RREB1: variants seen among roughly 807,000 people sequenced by gnomAD.
RREB1 encodes the protein ras-responsive element-binding protein 1.
RREB1 carries 27 observed loss-of-function variants against 117.8 expected under a neutral mutation model. That is an observed-to-expected ratio of 0.23 (90% confidence interval 0.17 to 0.32). The LOEUF is 0.32. RREB1 is among the 10% of genes least tolerant of loss of function. The pLI is 1.00. For missense variants in RREB1, 2,577 were observed against 2,378.2 expected, an observed-to-expected ratio of 1.08 and a Z score of -1.74; for synonymous variants, 1,298 against 1,026.7, an observed-to-expected ratio of 1.26 and a Z score of -5.05.
Position 7,249,324 on chromosome 6 carries a change from T to G in RREB1, c.*356T>G, listed in dbSNP as rs1411828785. On this transcript the variant is annotated 3_prime_UTR_variant, in exon 13 of 13. Transcript: ENST00000379938. ...TTTGAGCATTAGCGTTATTTTGTATTGGTGTGTGTGAGCTTGTTCTTGTGA... is the reference window on the plus strand; with the variant it reads ...TTTGAGCATTAGCGTTATTTTGTATGGGTGTGTGTGAGCTTGTTCTTGTGA... 1 of 229,762 alleles carries G rather than the reference T, an allele frequency of 4.4e-6. No individual in the cohort carries two copies. The highest frequency in any genetic ancestry group is 8.5e-6 in the Non-Finnish European group (1 of 117,726). The allele number at this position is 229,762 out of a possible 1,614,324, so 14.2% of individuals were successfully genotyped here.
chr6:7,117,968 TTAAAAA>T (rs1761488690), intron 1 of RREB1, among the ~76,000 whole-genome samples: 1 of 152,232 alleles, frequency 6.6e-6, no homozygotes, highest in South Asian at 2.1e-4. Context: ...TCCTGGTTGA[TTAAAAA>T]TATATTACTA....
chr6:7,236,454 G>A (rs1207079038), intron 10 of RREB1, among the ~76,000 whole-genome samples: 1 of 152,164 alleles, frequency 6.6e-6, no homozygotes, highest in African/African-American at 2.4e-5. Flanking sequence ...GAAAGCACCT[G>A]GGACACCACT....
chr6:7,242,839 A>G (rs1581593771), intron 11 of RREB1, among the ~76,000 whole-genome samples: 1 of 152,254 alleles, frequency 6.6e-6, no homozygotes, highest in South Asian at 2.1e-4. Context: ...AAGTCCCCCA[A>G]AAGAATGCTA....
chr6:7,131,935 T>A (rs1291863879), intron 1 of RREB1, among the ~76,000 whole-genome samples: 1 of 152,080 alleles, frequency 6.6e-6, no homozygotes, highest in Non-Finnish European at 1.5e-5. Context: ...CTTGGCTCAC[T>A]GCGACCTTCA....
intron 1 of RREB1, among the ~76,000 whole-genome samples, chr6:7,148,425 G>C (rs960685728): frequency 2.0e-5 from 3 of 151,922 alleles, no homozygotes; most frequent in Non-Finnish European, 2.9e-5. Flanking sequence ...GGACAGAGGA[G>C]CCCTCTGTGT....
At chr6:7,130,406 G>C (rs903574105) in intron 1 of RREB1, among the ~76,000 whole-genome samples, 1 of 152,052 alleles carries the variant, frequency 6.6e-6, no homozygotes, top group Non-Finnish European at 1.5e-5. Context: ...ACTCAGATTT[G>C]GTTGCATTTG....
At chr6:7,208,933 G>C (rs1008028829) in intron 6 of RREB1, among the ~76,000 whole-genome samples, 3 of 152,148 alleles carry the variant, frequency 2.0e-5, no homozygotes, top group African/African-American at 7.2e-5. Context: ...CTCAGAGTTG[G>C]TGCACATAGG....
chr6:7,108,490 T>G (rs1368943377), intron 1 of RREB1: 1 of 151,306 alleles, frequency 6.6e-6, no homozygotes, highest in African/African-American at 2.4e-5. Context: ...CGCCGCCGAG[T>G]TTATTTTTAA....
intron 6 of RREB1, among the ~76,000 whole-genome samples, chr6:7,191,067 C>T (rs1451682744): frequency 6.6e-6 from 1 of 152,212 alleles, no homozygotes; most frequent in Non-Finnish European, 1.5e-5. Context: ...TATTTTGAGA[C>T]ATGATTGAAA....
intron 1 of RREB1, among the ~76,000 whole-genome samples, chr6:7,168,918 A>G (rs778840059): frequency 2.0e-5 from 3 of 152,244 alleles, no homozygotes; most frequent in Admixed American, 6.5e-5. Context: ...CCTAATCATT[A>G]CCTTACAAGA....
At chr6:7,165,786 TGAAAGAGTTTGAAG>T (rs1470757042) in intron 1 of RREB1, among the ~76,000 whole-genome samples, 1 of 152,134 alleles carries the variant, frequency 6.6e-6, no homozygotes. Flanking sequence ...TGCCCGGGTA[TGAAAGAGTTTGAAG>T]GAAGAGACTG....
At chr6:7,130,929 C>CTTTT (rs61305060) in intron 1 of RREB1, among the ~76,000 whole-genome samples, 3 of 45,718 alleles carry the variant, frequency 6.6e-5, no homozygotes, top group Non-Finnish European at 1.1e-4. Context: ...ATAGTCATGT[C>CTTTT]TTTTTTTTTT....
At chr6:7,176,379 A>G (rs1280923351) in intron 1 of RREB1, among the ~76,000 whole-genome samples, 1 of 152,178 alleles carries the variant, frequency 6.6e-6, no homozygotes, top group Non-Finnish European at 1.5e-5. Flanking sequence ...GGTCCGAGCC[A>G]TTCTCACATG....
At chr6:7,244,392 G>A (rs1768890541) in intron 11 of RREB1, among the ~76,000 whole-genome samples, 1 of 152,124 alleles carries the variant, frequency 6.6e-6, no homozygotes, top group Non-Finnish European at 1.5e-5. Flanking sequence ...GGGCAACATA[G>A]GGAGACCCTG....
At chr6:7,123,116 A>G (rs1250655082) in intron 1 of RREB1, among the ~76,000 whole-genome samples, 3 of 151,244 alleles carry the variant, frequency 2.0e-5, no homozygotes, top group Non-Finnish European at 4.4e-5. Context: ...TGTTTTCTGG[A>G]TATGTTAGAC....
intron 6 of RREB1, among the ~76,000 whole-genome samples, chr6:7,197,802 CT>C (rs746108892): frequency 4.6e-5 from 7 of 152,142 alleles, no homozygotes; most frequent in African/African-American, 7.2e-5. Context: ...GAGGATGCCC[CT>C]GGACATCAGG....
rs559434983 is a variant in RREB1, at chr6:7,221,687, T to C, written c.708-4780T>C. 3.3e-5 allele frequency among the ~76,000 whole-genome samples: 5 copies of C among 152,290 alleles called. No homozygotes were observed. In the South Asian group the frequency reaches 8.3e-4, roughly 25 times the overall value. On this transcript the variant is annotated intron_variant, in intron 8 of 12. Transcript: ENST00000379938. The stretch of plus-strand genomic sequence containing the variant: ...AGTGCTTGTGCAGGCTGGGAGAGCA[T>C]GCACTTCTTTTCAGGAGGCAGGTGA...
chr6:7,247,491 C>T (rs909601410), intron 12 of RREB1, among the ~76,000 whole-genome samples: 4 of 152,128 alleles, frequency 2.6e-5, no homozygotes, highest in Admixed American at 6.5e-5. Context: ...CTGCTGCCTC[C>T]GCCTCCCCAT....
At position 7,231,488 on chromosome 6, in the gene RREB1, C is replaced by A. The variant is rs1368221802; in HGVS notation, c.3389C>A (p.Pro1130His). 1.9e-6 allele frequency: 3 copies of A among 1,611,420 alleles called. No homozygotes were observed. The highest frequency in any genetic ancestry group is 2.2e-5 in the East Asian group (1 of 44,782). ...TTSPKESSEP[P>H]APASSPEAAS... ...AGCCCAAAAGAGTCTAGTGAGCCTC[C>A]CGCTCCAGCCAGCAGCCCAGAGGCT... The change falls in exon 10 of 13, where the codon CCC becomes CAC. Residue 1130 changes from proline (P) to histidine (H), a missense_variant. Coordinates refer to ENST00000379938, the MANE Select transcript of RREB1 (RefSeq NM_001003699.4).
Sources: allele counts gnomAD v4.1 joint callset (sites outside exome capture counted in the v4.1 genomes callset), GRCh38; gene constraint gnomAD v4.1.1; transcripts MANE v1.5; gene names NCBI Gene and HGNC (gene_info 2026-07-23, HGNC 2026-07-21).